Variants in NALCN observed in about 807,000 individuals in gnomAD.
The protein encoded by NALCN is sodium leak channel, non-selective.
Under a neutral mutation model 225.3 loss-of-function variants are expected in NALCN, and 111 were observed. The observed-to-expected ratio is 0.49, with a 90% CI of 0.42 to 0.58. NALCN has a LOEUF of 0.58. Ranked by LOEUF, NALCN falls within the 20% of genes least tolerant of loss-of-function variation. NALCN has a pLI of 0.00. For synonymous variants in NALCN, 764 were observed against 769.0 expected, an observed-to-expected ratio of 0.99 and a Z score of 0.11; for missense variants, 1,378 against 2,202.4, an observed-to-expected ratio of 0.63 and a Z score of 7.49.
At chr13:101,403,888 C>G (rs1346839575) in intron 1 of NALCN, among the ~76,000 whole-genome samples, 1 of 152,192 alleles carries the variant, frequency 6.6e-6, no homozygotes, top group Non-Finnish European at 1.5e-5. Flanking sequence ...AATAACATCT[C>G]CGGGACTCTT....
intron 34 of NALCN, among the ~76,000 whole-genome samples, chr13:101,078,271 G>A (rs1382375138): frequency 6.6e-6 from 1 of 152,128 alleles, no homozygotes; most frequent in Admixed American, 6.5e-5. Context: ...CTGCCTAGTG[G>A]AGCTGTGAGA....
intron 7 of NALCN, among the ~76,000 whole-genome samples, chr13:101,307,271 C>T (rs2044184889): frequency 6.6e-6 from 1 of 152,224 alleles, no homozygotes; most frequent in African/African-American, 2.4e-5. Flanking sequence ...CCACAGACAA[C>T]TGTTGGCCAC....
intron 7 of NALCN, among the ~76,000 whole-genome samples, chr13:101,293,407 AAC>A (rs1189079928): frequency 1.3e-5 from 2 of 152,194 alleles, no homozygotes; most frequent in East Asian, 1.9e-4. Flanking sequence ...TTTGTGAGAA[AAC>A]ACACACACAT....
At chr13:101,182,094 A>G (rs929994238) in intron 14 of NALCN, among the ~76,000 whole-genome samples, 105 of 130,008 alleles carry the variant, frequency 8.1e-4, no homozygotes, top group African/African-American at 3.0e-3. Context: ...AGATCGTGCC[A>G]CTGCACTCCA....
At chr13:101,124,027 T>G (rs571488667) in intron 18 of NALCN, among the ~76,000 whole-genome samples, 4 of 152,358 alleles carry the variant, frequency 2.6e-5, no homozygotes, top group Non-Finnish European at 5.9e-5. Context: ...TAAATGCCTA[T>G]GTGTTTTTAT....
chr13:101,280,339 A>G (rs2043126265), intron 10 of NALCN, among the ~76,000 whole-genome samples: 2 of 152,204 alleles, frequency 1.3e-5, no homozygotes, highest in Non-Finnish European at 1.5e-5. Context: ...TGCTATATTC[A>G]TAACACATAT....
At chr13:101,203,897 G>C (rs1430069972) in intron 13 of NALCN, among the ~76,000 whole-genome samples, 1 of 152,176 alleles carries the variant, frequency 6.6e-6, no homozygotes. Flanking sequence ...TTTTGGTGCT[G>C]TCAACTCATC....
intron 13 of NALCN, among the ~76,000 whole-genome samples, chr13:101,211,851 T>A (rs2040537971): frequency 2.0e-5 from 3 of 151,958 alleles, no homozygotes; most frequent in Non-Finnish European, 1.5e-5. Context: ...ATGCCTGAAA[T>A]TTATCAACTG....
In NALCN at chr13:101,233,561, T is replaced by C. The variant is rs953847357; in HGVS notation, c.1435-3977A>G. Among the ~76,000 whole-genome samples, 13 of 151,950 alleles carry C rather than the reference T, an allele frequency of 8.6e-5. No homozygotes were observed. In the South Asian group the frequency reaches 1.5e-3, roughly 17 times the overall value. ...TTCACCATGTTAGCCGGGATAGTCT[T>C]GATCTCCTGACCTCGTGATCCACCC... On this transcript the variant is annotated intron_variant, in intron 12 of 43. Coordinates refer to ENST00000251127, the MANE Select transcript of NALCN (RefSeq NM_052867.4).
chr13:101,079,253 A>T (rs958469137), intron 34 of NALCN, among the ~76,000 whole-genome samples: 2 of 152,236 alleles, frequency 1.3e-5, no homozygotes, highest in African/African-American at 2.4e-5. Context: ...CATGTTAGCT[A>T]AAGATCTATT....
intron 10 of NALCN, among the ~76,000 whole-genome samples, chr13:101,270,909 GTGACAATGCAAC>G (rs1309457639): frequency 6.6e-6 from 1 of 152,154 alleles, no homozygotes; most frequent in African/African-American, 2.4e-5. Context: ...TTTGCCAAAG[GTGACAATGCAAC>G]AAATCTTTGG....
chr13:101,297,945 T>C (rs1440349206), intron 7 of NALCN, among the ~76,000 whole-genome samples: 1 of 152,220 alleles, frequency 6.6e-6, no homozygotes, highest in African/African-American at 2.4e-5. Context: ...GAGAAGCTGA[T>C]TGACTTTGTC....
At chr13:101,081,734 A>G in intron 33 of NALCN, 88 bp from the exon 34 acceptor site, 1 of 1,485,892 alleles carries the variant, frequency 6.7e-7, no homozygotes, top group Non-Finnish European at 9.0e-7. Flanking sequence ...ATGTGTATGT[A>G]TTTTTTTCAA....
At chr13:101,086,934 T>G (rs1280770355) in intron 30 of NALCN, among the ~76,000 whole-genome samples, 1 of 152,164 alleles carries the variant, frequency 6.6e-6, no homozygotes, top group Non-Finnish European at 1.5e-5. Flanking sequence ...ACACTTGTTC[T>G]CTGGCCACCA....
At chr13:101,073,710 A>C (rs780326496) in intron 36 of NALCN, 33 bp from the exon 37 acceptor site, 2 of 1,566,092 alleles carry the variant, frequency 1.3e-6, no homozygotes, top group Admixed American at 3.4e-5. Flanking sequence ...ACAGAATGTG[A>C]ATTATAGAAG....
rs546063756 is a variant in NALCN, at chr13:101,092,640, T to C, written c.3270-2674A>G. On this transcript the variant is annotated intron_variant, in intron 28 of 43. Transcript: ENST00000251127. ...TAGTTGGGGTTAGGTGCTTCTCCTG[T>C]GTGTCCATTGTACCCTTAGCCTTTC... Among the ~76,000 whole-genome samples the C allele has an allele frequency of 2.6e-5, 4 of 152,158 alleles. No individual in the cohort carries two copies. In the South Asian group the frequency reaches 6.2e-4, roughly 24 times the overall value.
chr13:101,172,715 A>G (rs771454613), intron 15 of NALCN, among the ~76,000 whole-genome samples: 16 of 150,948 alleles, frequency 1.1e-4, no homozygotes, highest in African/African-American at 7.3e-5. Context: ...GCCCGCCACC[A>G]CGCGCAGCTA....
At position 101,292,259 on chromosome 13, in the gene NALCN, T is replaced by G. The variant is rs2043582699; in HGVS notation, c.907A>C (p.Ile303Leu). The G allele has an allele frequency of 6.2e-7, 1 of 1,613,942 alleles. No individual in the cohort carries two copies. The highest frequency in any genetic ancestry group is 1.7e-5 in the Admixed American group (1 of 59,954). ...CAGGCGAGGAAGAAAATGAGAGTGA[T>G]GAAATAGAAGTAGGAACGCCAACGG... Reference protein sequence around the residue: ...FPRWRSYFYFITLIFFLAWLV... With the variant: ...FPRWRSYFYFLTLIFFLAWLV... Residue 303 changes from isoleucine to leucine, a missense_variant, in exon 8 of 44, where the codon ATC becomes CTC. By Grantham distance (5) the Ile-to-Leu change is conservative. Transcript: ENST00000251127. This position sits in a 1 kb window ranked among gnomAD's most constrained non-coding sequence, Gnocchi z 4.3.
chr13:101,121,442 T>C (rs929021421), intron 18 of NALCN, among the ~76,000 whole-genome samples: 3 of 152,192 alleles, frequency 2.0e-5, no homozygotes, highest in African/African-American at 7.2e-5. Flanking sequence ...TATCTCTATC[T>C]GCACACAAAT....
Sources: allele counts gnomAD v4.1 joint callset (sites outside exome capture counted in the v4.1 genomes callset), GRCh38; gene constraint gnomAD v4.1.1; non-coding constraint Gnocchi (gnomAD v3.1); transcripts MANE v1.5; gene names NCBI Gene and HGNC (gene_info 2026-07-23, HGNC 2026-07-21).